The following MAPK8 variants were observed in gnomAD, a reference collection of about 807,000 sequenced individuals.
MAPK8 encodes mitogen-activated protein kinase 8, also known as JUN N-terminal kinase.
MAPK8 carries 13 observed loss-of-function variants against 52.9 expected under a neutral mutation model. That is an observed-to-expected ratio of 0.25 (90% CI 0.16 to 0.39). MAPK8 has a LOEUF of 0.39. Among genes scored for constraint, MAPK8 ranks in the 10% least tolerant of loss-of-function variants. The pLI is 1.00. For missense variants in MAPK8, 300 were observed against 519.2 expected (o/e 0.58, Z 4.10); for synonymous variants, 191 against 169.8 (o/e 1.12, Z -0.97).
At chr10:48,340,711 C>G (rs946275384) in intron 1 of MAPK8, among the ~76,000 whole-genome samples, 1 of 152,182 alleles carries the variant, frequency 6.6e-6, no homozygotes, top group Non-Finnish European at 1.5e-5. Context: ...GGCATTTGCC[C>G]TTTGCCTAAG....
At chr10:48,407,601 G>A (rs1429187204) in intron 3 of MAPK8, among the ~76,000 whole-genome samples, 1 of 151,968 alleles carries the variant, frequency 6.6e-6, no homozygotes, top group East Asian at 1.9e-4. Context: ...TTTTATAACA[G>A]CTTTATTGAA....
In MAPK8 at chr10:48,426,477, C is replaced by T. The variant is rs766599034; in HGVS notation, c.969C>T (p.Val323=). The T allele has an allele frequency of 6.2e-7, 1 of 1,611,472 alleles. No homozygotes were observed. ...CTCTCCAACACCCGTACATCAATGT[C>T]TGGTATGATCCTTCTGAAGCAGAAG... ...DEALQHPYIN[V]WYDPSEAEAP... The change falls in exon 9 of 12, where the codon GTC becomes GTT. Residue 323 remains valine, a synonymous_variant. Transcript: ENST00000374189.
chr10:48,379,553 C>T (rs2040864362), intron 1 of MAPK8, among the ~76,000 whole-genome samples: 2 of 152,140 alleles, frequency 1.3e-5, no homozygotes, highest in Non-Finnish European at 2.9e-5. Context: ...AAATGTTTCA[C>T]TTTTCCCCAC....
At chr10:48,332,001 A>T (rs145007663) in intron 1 of MAPK8, among the ~76,000 whole-genome samples, 1 of 152,114 alleles carries the variant, frequency 6.6e-6, no homozygotes, top group African/African-American at 2.4e-5. Context: ...GGGTATGATA[A>T]TCTCATCTAA....
intron 1 of MAPK8, among the ~76,000 whole-genome samples, chr10:48,351,172 A>G (rs969268326): frequency 1.3e-5 from 2 of 152,172 alleles, no homozygotes; most frequent in African/African-American, 4.8e-5. Flanking sequence ...AATCAATATC[A>G]TGAAAATGAC....
Position 48,420,286 on chromosome 10 carries a change from C to T in MAPK8, c.582C>T (p.Pro194=), listed in dbSNP as rs55984396. ...TAGTGACTCGCTACTACAGAGCACC[C>T]GAGGTCATCCTTGGCATGGGCTACA... ...PYVVTRYYRA[P]EVILGMGYKE... is the part of the protein sequence containing the mutation. Residue 194 remains proline, a synonymous_variant, in exon 6 of 12, where the codon CCC becomes CCT. Coordinates refer to ENST00000374189, the MANE Select transcript of MAPK8 (RefSeq NM_001323329.2). 1.0e-3 allele frequency: 1,692 copies of T among 1,612,458 alleles called. 2 individuals carry two copies. The highest frequency in any genetic ancestry group is 1.8e-3 in the Middle Eastern group (11 of 6,046).
At chr10:48,317,078 A>G (rs1450071517) in intron 1 of MAPK8, among the ~76,000 whole-genome samples, 1 of 152,210 alleles carries the variant, frequency 6.6e-6, no homozygotes, top group African/African-American at 2.4e-5. Flanking sequence ...GGAAACAGGC[A>G]TAGAGAGATT....
chr10:48,314,544 A>G (rs1842312257), intron 1 of MAPK8, among the ~76,000 whole-genome samples: 1 of 152,210 alleles, frequency 6.6e-6, no homozygotes, highest in Admixed American at 6.5e-5. Flanking sequence ...TTAAATGCAT[A>G]GGATAAATTT....
chr10:48,382,952 GTATATA>G (rs905225802), intron 1 of MAPK8, among the ~76,000 whole-genome samples: 1 of 106,032 alleles, frequency 9.4e-6, no homozygotes, highest in South Asian at 2.8e-4. Context: ...ATATATATAT[GTATATA>G]TATATAGATA....
intron 5 of MAPK8, among the ~76,000 whole-genome samples, chr10:48,417,608 T>C (rs1468303031): frequency 6.6e-6 from 1 of 152,148 alleles, no homozygotes; most frequent in East Asian, 1.9e-4. Context: ...ACCAGAGACA[T>C]CCTTTTCTCA....
intron 3 of MAPK8, 94 bp from the exon 4 acceptor site, chr10:48,409,785 A>T (rs1426713393): frequency 1.3e-6 from 1 of 793,246 alleles, no homozygotes; most frequent in East Asian, 2.7e-5. Flanking sequence ...TTTTAAACTG[A>T]TGGTAGTTTT....
At chr10:48,366,644 ACC>A (rs1848070508) in intron 1 of MAPK8, among the ~76,000 whole-genome samples, 1 of 152,198 alleles carries the variant, frequency 6.6e-6, no homozygotes, top group East Asian at 1.9e-4. Context: ...ATTTATCCTT[ACC>A]ACATGAGTTA....
At chr10:48,311,424 A>T (rs1173509887) in intron 1 of MAPK8, among the ~76,000 whole-genome samples, 1 of 152,182 alleles carries the variant, frequency 6.6e-6, no homozygotes, top group African/African-American at 2.4e-5. Flanking sequence ...AAATTTGGAA[A>T]TGTTCCAGAA....
intron 1 of MAPK8, among the ~76,000 whole-genome samples, chr10:48,338,621 AGAG>A (rs548708613): frequency 1.2e-3 from 180 of 152,294 alleles, no homozygotes; most frequent in African/African-American, 4.2e-3. Context: ...AAATAGGCAA[AGAG>A]GAAGTCAAAT....
At chr10:48,324,008 A>G (rs1408846996) in intron 1 of MAPK8, among the ~76,000 whole-genome samples, 2 of 152,196 alleles carry the variant, frequency 1.3e-5, no homozygotes, top group Non-Finnish European at 2.9e-5. Flanking sequence ...TTTTAAAGTG[A>G]CTTCATTCTC....
intron 1 of MAPK8, among the ~76,000 whole-genome samples, chr10:48,327,427 T>C (rs1379992535): frequency 6.6e-6 from 1 of 152,248 alleles, no homozygotes; most frequent in African/African-American, 2.4e-5. Context: ...ATACCTGGGA[T>C]AAATCTCTCC....
intron 1 of MAPK8, among the ~76,000 whole-genome samples, chr10:48,307,905 A>G (rs796964270): frequency 2.6e-5 from 4 of 152,336 alleles, no homozygotes; most frequent in African/African-American, 9.6e-5. Flanking sequence ...GGATGCTTTG[A>G]CTGAAGTATA....
chr10:48,337,141 A>G (rs1329181778), intron 1 of MAPK8, among the ~76,000 whole-genome samples: 1 of 152,162 alleles, frequency 6.6e-6, no homozygotes, highest in Non-Finnish European at 1.5e-5. Context: ...CGTACAGAAT[A>G]CCCTACCCAA....
At chr10:48,362,835 G>A (rs1289619300) in intron 1 of MAPK8, among the ~76,000 whole-genome samples, 1 of 151,014 alleles carries the variant, frequency 6.6e-6, no homozygotes, top group Admixed American at 6.6e-5. Context: ...CCACCTCCCG[G>A]GTTCAAACAA....
Sources: gnomAD v4.1 joint callset for allele counts (sites outside exome capture counted in the v4.1 genomes callset) on GRCh38, gnomAD v4.1.1 for gene constraint, MANE v1.5 for transcripts, NCBI Gene and HGNC (gene_info 2026-07-23, HGNC 2026-07-21) for gene names.